The following NECAB1 variants were observed in gnomAD, a reference collection of about 807,000 sequenced individuals.
NECAB1 encodes the protein N-terminal EF-hand calcium binding protein 1.
A neutral mutation model predicts 57.5 loss-of-function variants in NECAB1; 29 were observed. The ratio of observed to expected loss-of-function variants is 0.50; its 90% CI spans 0.38 to 0.69. The LOEUF (loss-of-function observed/expected upper bound fraction) is 0.69. Ranked by LOEUF, NECAB1 falls within the 30% of genes least tolerant of loss-of-function variation. The probability of loss-of-function intolerance (pLI) is 0.00; values close to 1 mark genes in which losing one functional copy is unlikely to be tolerated. For synonymous variants in NECAB1, 142 were observed against 147.7 expected (o/e 0.96, Z 0.28); for missense variants, 372 against 413.8 (o/e 0.90, Z 0.88).
chr8:90,931,749 C>A (rs1488849629), intron 8 of NECAB1, among the ~76,000 whole-genome samples: 2 of 151,862 alleles, frequency 1.3e-5, no homozygotes, highest in Non-Finnish European at 2.9e-5. Flanking sequence ...ACTAAAAATA[C>A]AAAAATTAAC....
chr8:90,906,887 A>ATATGTGTATATATATATATATGTGTG (rs1554574066), intron 5 of NECAB1, among the ~76,000 whole-genome samples: 1 of 121,670 alleles, frequency 8.2e-6, no homozygotes, highest in African/African-American at 3.7e-5. Flanking sequence ...ATATATATAT[A>ATATGTGTATATATATATATATGTGTG]TATATATATA....
chr8:90,816,367 T>G (rs1003886447), intron 2 of NECAB1, among the ~76,000 whole-genome samples: 7 of 151,890 alleles, frequency 4.6e-5, no homozygotes, highest in African/African-American at 1.7e-4. Flanking sequence ...TTCAATGAAG[T>G]CCAATTTATT....
intron 8 of NECAB1, among the ~76,000 whole-genome samples, chr8:90,930,018 G>A (rs1232062330): frequency 6.6e-6 from 1 of 152,182 alleles, no homozygotes; most frequent in East Asian, 1.9e-4. Context: ...TTTTTTAACA[G>A]CTAAGTGACA....
intron 5 of NECAB1, among the ~76,000 whole-genome samples, chr8:90,895,941 CAGT>C (rs1011964908): frequency 2.7e-4 from 41 of 152,282 alleles, no homozygotes; most frequent in African/African-American, 7.2e-4. Context: ...GAGCTGATGT[CAGT>C]AGGAGAATAA....
At chr8:90,914,938 T>C (rs1809915996) in intron 5 of NECAB1, among the ~76,000 whole-genome samples, 1 of 152,202 alleles carries the variant, frequency 6.6e-6, no homozygotes, top group Non-Finnish European at 1.5e-5. Context: ...CTAATTGCAA[T>C]GACTGGAATG....
At chr8:90,806,343 C>T (rs926613920) in intron 2 of NECAB1, 5 of 152,110 alleles carry the variant, frequency 3.3e-5, no homozygotes, top group Admixed American at 1.3e-4. Flanking sequence ...CCAGGTCCAC[C>T]GTGGTGAGCA....
intron 3 of NECAB1, among the ~76,000 whole-genome samples, chr8:90,843,467 A>G (rs1239338556): frequency 6.6e-6 from 1 of 152,232 alleles, no homozygotes; most frequent in African/African-American, 2.4e-5. Flanking sequence ...CAACTATGAT[A>G]TGCAGGGTCA....
chr8:90,805,129 A>G (rs1235053387), intron 2 of NECAB1, among the ~76,000 whole-genome samples: 2 of 152,218 alleles, frequency 1.3e-5, no homozygotes, highest in African/African-American at 2.4e-5. Flanking sequence ...TATATGGAGT[A>G]TTTGAAAGGG....
chr8:90,892,559 T>A (rs1458916195), intron 5 of NECAB1, among the ~76,000 whole-genome samples: 8 of 152,204 alleles, frequency 5.3e-5, no homozygotes, highest in African/African-American at 1.7e-4. Context: ...CCCCTTTAGA[T>A]CTTTGTTGCC....
chr8:90,880,871 G>T (rs986884877), intron 4 of NECAB1, among the ~76,000 whole-genome samples, 162 bp from the exon 5 acceptor site: 2 of 152,038 alleles, frequency 1.3e-5, no homozygotes, highest in African/African-American at 4.8e-5. Context: ...AGTGAAATGA[G>T]CAGATTGTCA....
At chr8:90,951,246 T>G in intron 12 of NECAB1, 42 bp downstream of exon 12, 1 of 1,184,850 alleles carries the variant, frequency 8.4e-7, no homozygotes, top group Non-Finnish European at 1.2e-6. Flanking sequence ...TCCTTTTGTA[T>G]TTTTGTTTGT....
chr8:90,924,126 G>T (rs1425564429), intron 6 of NECAB1, among the ~76,000 whole-genome samples: 3 of 152,092 alleles, frequency 2.0e-5, no homozygotes, highest in Non-Finnish European at 2.9e-5. Flanking sequence ...CAGGCCATAT[G>T]CAAATAATCA....
chr8:90,860,803 A>G lies in NECAB1; in HGVS notation c.234-11325A>G, dbSNP rs550609765. 2.0e-5 allele frequency among the ~76,000 whole-genome samples: 3 copies of G among 152,258 alleles called. No individual in the cohort carries two copies. The East Asian group carries it at 5.8e-4, about 29-fold the overall frequency. ...CAGGGCATTGAAGGAACCCAATATG[A>G]TGATATGAGAGGAAGGAAGGAAGAT... On this transcript the variant is annotated intron_variant, in intron 3 of 12. Transcript: ENST00000417640.
intron 5 of NECAB1, among the ~76,000 whole-genome samples, chr8:90,901,449 GT>G (rs1809501361): frequency 2.0e-5 from 3 of 152,264 alleles, no homozygotes; most frequent in African/African-American, 7.2e-5. Context: ...CTCCAGGTAT[GT>G]TTAACACAGA....
At chr8:90,808,640 C>CTTTTTTTTT (rs200075536) in intron 2 of NECAB1, among the ~76,000 whole-genome samples, 17 of 81,280 alleles carry the variant, frequency 2.1e-4, no homozygotes, top group South Asian at 4.8e-4. Flanking sequence ...TTTTTCTTTT[C>CTTTTTTTTT]TTTTTTTTTT....
At chr8:90,810,388 G>A (rs1238853475) in intron 2 of NECAB1, among the ~76,000 whole-genome samples, 2 of 152,146 alleles carry the variant, frequency 1.3e-5, no homozygotes, top group Admixed American at 6.5e-5. Context: ...AAATGCCGGA[G>A]ACTGTGCTAG....
intron 3 of NECAB1, among the ~76,000 whole-genome samples, chr8:90,864,274 G>A (rs1352002176): frequency 8.1e-5 from 11 of 135,584 alleles, no homozygotes; most frequent in African/African-American, 2.8e-4. Context: ...AACAACTCTG[G>A]TGGAAAAAAA....
intron 3 of NECAB1, among the ~76,000 whole-genome samples, chr8:90,863,571 G>A (rs1175274315): frequency 6.6e-6 from 1 of 152,040 alleles, no homozygotes; most frequent in African/African-American, 2.4e-5. Context: ...CACTTATTTG[G>A]TGGAACCCCC....
chr8:90,856,504 C>CA (rs1324928718), intron 3 of NECAB1, among the ~76,000 whole-genome samples: 25 of 151,930 alleles, frequency 1.6e-4, no homozygotes, highest in Non-Finnish European at 2.6e-4. Context: ...TAAACAATAA[C>CA]AAAAAGAGCT....
Sources: gnomAD v4.1 joint callset for allele counts (sites outside exome capture counted in the v4.1 genomes callset) on GRCh38, gnomAD v4.1.1 for gene constraint, MANE v1.5 for transcripts, NCBI Gene and HGNC (gene_info 2026-07-23, HGNC 2026-07-21) for gene names.